Variants in RGPD3 observed in about 807,000 individuals in gnomAD.
RGPD3 encodes ranBP2-like and GRIP domain-containing protein 3.
RGPD3 carries 62 observed loss-of-function variants against 154.5 expected under a neutral mutation model. That is an observed-to-expected ratio of 0.40 (90% confidence interval 0.33 to 0.50). The LOEUF (loss-of-function observed/expected upper bound fraction) is 0.50. RGPD3 is among the 20% of genes least tolerant of loss of function. The probability of loss-of-function intolerance (pLI) is 0.59; values close to 1 mark genes in which losing one functional copy is unlikely to be tolerated. For synonymous variants in RGPD3, 308 were observed against 607.0 expected (o/e 0.51, Z 7.24); for missense variants, 919 against 1,716.8 (o/e 0.54, Z 8.21).
At chr2:106,449,353 C>G (rs1206858922) in intron 6 of RGPD3, among the ~76,000 whole-genome samples, 1 of 145,020 alleles carries the variant, frequency 6.9e-6, no homozygotes. Flanking sequence ...GTAATTCCAG[C>G]TACTTGGGAG....
chr2:106,446,249 G>A (rs1159196584), intron 7 of RGPD3, among the ~76,000 whole-genome samples: 2 of 115,346 alleles, frequency 1.7e-5, no homozygotes, highest in Non-Finnish European at 3.5e-5. Flanking sequence ...CCTTTCAAAA[G>A]TTATGCAGGC....
At chr2:106,463,249 T>C (rs1678456485) in intron 1 of RGPD3, among the ~76,000 whole-genome samples, 1 of 148,870 alleles carries the variant, frequency 6.7e-6, no homozygotes, top group African/African-American at 2.4e-5. Context: ...AGTAAAGACA[T>C]TTTAAAGACA....
Position 106,415,954 on chromosome 2 carries a change from C to T in RGPD3, c.4960G>A (p.Glu1654Lys). 1 of 1,611,648 alleles carries T rather than the reference C, an allele frequency of 6.2e-7. No homozygotes were observed. The highest frequency in any genetic ancestry group is 1.1e-5 in the South Asian group (1 of 90,972). Residue 1654 changes from glutamate (E) to lysine (K), a missense_variant, in exon 21 of 23, where the codon GAA becomes AAA. Transcript: ENST00000409886. ...PLWYAEFTKE[E>K]LVQKLSSTTK... The stretch of plus-strand genomic sequence containing the variant: ...GTGGAACTGAGCTTCTGAACCAATT[C>T]TTCTTTAGTAAATTCAGCATACCAT...
At chr2:106,417,785 C>T (rs1676862009) in intron 20 of RGPD3, among the ~76,000 whole-genome samples, 1 of 151,298 alleles carries the variant, frequency 6.6e-6, no homozygotes, top group African/African-American at 2.5e-5. Flanking sequence ...AATTAAGTAA[C>T]TATAAGATAA....
At chr2:106,470,232 T>C (rs1678780659), upstream of RGPD3, among the ~76,000 whole-genome samples, 1 of 152,260 alleles carries the variant, frequency 6.6e-6, no homozygotes, top group Non-Finnish European at 1.5e-5. Context: ...TAAGTATTTA[T>C]TCTACAGATT....
intron 21 of RGPD3, among the ~76,000 whole-genome samples, chr2:106,414,485 G>A (rs911500947): frequency 1.3e-5 from 2 of 149,534 alleles, no homozygotes; most frequent in African/African-American, 4.9e-5. Context: ...AGCCGGGCAT[G>A]GTGGTGCGTG....
intron 9 of RGPD3, among the ~76,000 whole-genome samples, chr2:106,438,296 G>A (rs936671004): frequency 1.3e-5 from 2 of 151,744 alleles, no homozygotes; most frequent in Admixed American, 1.3e-4. Flanking sequence ...ACTAGCCTGG[G>A]CAACAAAGGG....
At chr2:106,411,075 C>T (rs1676656588) in intron 22 of RGPD3, among the ~76,000 whole-genome samples, 1 of 150,364 alleles carries the variant, frequency 6.7e-6, no homozygotes. Context: ...GGGCCCCAGA[C>T]CAGAAGTATC....
In RGPD3 at chr2:106,424,548, C is replaced by T. The variant is rs1168791815; in HGVS notation, c.3419G>A (p.Gly1140Asp). 12 of 1,609,444 alleles carry T rather than the reference C, an allele frequency of 7.5e-6. No homozygotes were observed. Among genetic ancestry groups the T allele is most frequent in the African/African-American group, 4.0e-5 (3 of 74,632 alleles). ...WMWSASDFSDGDAKLERLAAK... is the reference protein window; with the variant it reads ...WMWSASDFSDDDAKLERLAAK... ...TGCCAATCGCTCTAGTTTGGCATCA[C>T]CATCAGAGAAATCACTGGCTGACCA... is the stretch of plus-strand genomic sequence containing the variant. Residue 1140 changes from glycine (G) to aspartate (D), a missense_variant, in exon 20 of 23, where the codon GGT becomes GAT. Coordinates refer to ENST00000409886, the MANE Select transcript of RGPD3 (RefSeq NM_001144013.2).
Position 106,458,850 on chromosome 2 carries a change from G to T in RGPD3, c.140+415C>A, listed in dbSNP as rs543810024. ...ATAGAGCCTTAGAGCATCACATATT[G>T]TGTCAATTAAACATCTTTTATACAA... On this transcript the variant is annotated intron_variant, in intron 2 of 22. Transcript: ENST00000409886. Among the ~76,000 whole-genome samples, 85 of 84,812 alleles carry T rather than the reference G, an allele frequency of 1.0e-3. 7 individuals carry two copies. Among genetic ancestry groups the T allele is most frequent in the African/African-American group, 2.7e-3 (81 of 29,720 alleles). The allele number at this position is 84,812 out of a possible 152,430, so 55.6% of individuals were successfully genotyped here.
intron 1 of RGPD3, among the ~76,000 whole-genome samples, chr2:106,462,594 C>T (rs996794290): frequency 3.3e-5 from 5 of 152,130 alleles, no homozygotes; most frequent in East Asian, 1.9e-4. Context: ...GCCACATCAT[C>T]GCTATCTTGC....
chr2:106,427,317 A>T (rs867404806), intron 18 of RGPD3, among the ~76,000 whole-genome samples: 61 of 151,942 alleles, frequency 4.0e-4, no homozygotes, highest in Middle Eastern at 6.8e-3. Context: ...GGTCAAAAAA[A>T]TTACCTGACA....
At chr2:106,414,420 T>G (rs879954195) in intron 21 of RGPD3, among the ~76,000 whole-genome samples, 5 of 151,964 alleles carry the variant, frequency 3.3e-5, no homozygotes, top group South Asian at 2.1e-4. Context: ...TCAGGAGATT[T>G]AGACCATCCT....
At chr2:106,451,412 C>G (rs945852098) in intron 6 of RGPD3, among the ~76,000 whole-genome samples, 3 of 145,964 alleles carry the variant, frequency 2.1e-5, no homozygotes, top group African/African-American at 7.6e-5. Flanking sequence ...AAATGGACAG[C>G]CTAAACTAGC....
intron 1 of RGPD3, among the ~76,000 whole-genome samples, chr2:106,467,669 G>C (rs1336412390): frequency 4.9e-5 from 7 of 142,826 alleles, no homozygotes; most frequent in Admixed American, 4.1e-4. Flanking sequence ...GCGCCCGTCG[G>C]GAGCCATGAC....
intron 22 of RGPD3, among the ~76,000 whole-genome samples, chr2:106,408,922 G>A (rs1162279534): frequency 6.6e-6 from 1 of 151,498 alleles, no homozygotes; most frequent in Non-Finnish European, 1.5e-5. Flanking sequence ...CTGTTCTCAA[G>A]CAATCCTCCT....
In RGPD3 at chr2:106,424,318, C is replaced by A. The variant is rs199659401; in HGVS notation, c.3649G>T (p.Ala1217Ser). Residue 1217 changes from alanine (A) to serine (S), a missense_variant, in exon 20 of 23, where the codon GCT becomes TCT. By Grantham distance (99) the Ala-to-Ser change is moderately conservative (BLOSUM62 1). Coordinates refer to ENST00000409886, the MANE Select transcript of RGPD3 (RefSeq NM_001144013.2). Reference sequence around the variant, plus strand: ...CCTGAACCCTTATTTTCTTCCTCAGCGACTTTTGTTTGATCATTTGTCAAA... The same window carrying A: ...CCTGAACCCTTATTTTCTTCCTCAGAGACTTTTGTTTGATCATTTGTCAAA... ...TFLTNDQTKV[A>S]EEENKGSGTG... 5 of 1,611,888 alleles carry A rather than the reference C, an allele frequency of 3.1e-6. No individual in the cohort carries two copies. Among genetic ancestry groups the A allele is most frequent in the Non-Finnish European group, 1.7e-6 (2 of 1,179,856 alleles).
rs1395274134 is a variant in RGPD3 at position 106,468,366 on chromosome 2, C to T, written c.-78G>A. 2.6e-6 allele frequency: 4 copies of T among 1,547,952 alleles called. No homozygotes were observed. In the African/African-American group the frequency reaches 4.1e-5, roughly 16 times the overall value. The stretch of plus-strand genomic sequence containing the variant: ...GCAGTCGCCAATTCCAAGAGGAAAG[C>T]GCCTGAAAGCCACTGAGGCAGCGGC... On this transcript the variant is annotated 5_prime_UTR_variant, in exon 1 of 23. Transcript: ENST00000409886.
intron 1 of RGPD3, among the ~76,000 whole-genome samples, chr2:106,462,904 TC>T (rs1178103537): frequency 1.3e-5 from 2 of 149,558 alleles, no homozygotes; most frequent in Admixed American, 6.7e-5. Context: ...CCAATCTTCT[TC>T]CCCTGGAACA....
Sources: allele counts gnomAD v4.1 joint callset (sites outside exome capture counted in the v4.1 genomes callset), GRCh38; gene constraint gnomAD v4.1.1; transcripts MANE v1.5; gene names NCBI Gene and HGNC (gene_info 2026-07-23, HGNC 2026-07-21).